The following PXMP4 variants were observed in gnomAD, a reference collection of about 807,000 sequenced individuals.
The protein encoded by PXMP4 is 24 kDa peroxisomal intrinsic membrane protein.
PXMP4 carries 16 observed loss-of-function variants against 21.6 expected under a neutral mutation model. That is an observed-to-expected ratio of 0.74 (90% CI 0.50 to 1.13). The LOEUF is 1.13. Among genes scored for constraint, PXMP4 ranks in the 50% most tolerant of loss-of-function variants. The pLI is 0.00. For synonymous variants in PXMP4, 127 were observed against 123.8 expected (o/e 1.03, Z -0.17); for missense variants, 240 against 277.7 (o/e 0.86, Z 0.96).
intron 2 of PXMP4, among the ~76,000 whole-genome samples, chr20:33,712,729 C>A (rs2018343469): frequency 6.6e-6 from 1 of 151,974 alleles, no homozygotes; most frequent in Admixed American, 6.6e-5. Context: ...CTCTCAGGTT[C>A]AAGCAATTCT....
chr20:33,716,294 T>C (rs556629677), intron 1 of PXMP4, among the ~76,000 whole-genome samples: 41 of 152,220 alleles, frequency 2.7e-4, no homozygotes, highest in Non-Finnish European at 5.4e-4. Context: ...TCACTGCTCC[T>C]ACCTCACCCC....
rs6087512 is a variant in PXMP4 at position 33,714,107 on chromosome 20, C to T, written c.176+567G>A. On this transcript the variant is annotated intron_variant, in intron 2 of 3. Coordinates refer to ENST00000409299, the MANE Select transcript of PXMP4 (RefSeq NM_007238.5). ...ATGGAATGGCAGCGAGTTCTGTGTGCCAAGGGCACGCCAGGGTGGACACAA... is the reference window on the plus strand; with the variant it reads ...ATGGAATGGCAGCGAGTTCTGTGTGTCAAGGGCACGCCAGGGTGGACACAA... Among the ~76,000 whole-genome samples, 568 of 152,322 alleles carry T rather than the reference C, an allele frequency of 3.7e-3. 4 individuals carry two copies. Among genetic ancestry groups the T allele is most frequent in the Non-Finnish European group, 5.0e-3 (343 of 68,032 alleles).
At chr20:33,708,952 G>A (rs1223935687) in intron 3 of PXMP4, among the ~76,000 whole-genome samples, 1 of 152,172 alleles carries the variant, frequency 6.6e-6, no homozygotes, top group Non-Finnish European at 1.5e-5. Context: ...AGAAATTTGA[G>A]GGAGGCAAGT....
intron 1 of PXMP4, among the ~76,000 whole-genome samples, chr20:33,719,853 G>A (rs1043781733): frequency 6.6e-6 from 1 of 152,224 alleles, no homozygotes; most frequent in African/African-American, 2.4e-5. Flanking sequence ...GTCAAAGCAA[G>A]AGGGCCAGGC....
intron 1 of PXMP4, among the ~76,000 whole-genome samples, 159 bp from the exon 2 acceptor site, chr20:33,714,895 C>G (rs2018368198): frequency 6.6e-6 from 1 of 152,162 alleles, no homozygotes; most frequent in African/African-American, 2.4e-5. Flanking sequence ...CTGATACTTC[C>G]TGGTAGTATG....
intron 1 of PXMP4, among the ~76,000 whole-genome samples, chr20:33,717,477 A>C (rs1335463478): frequency 6.7e-6 from 1 of 150,054 alleles, no homozygotes; most frequent in Non-Finnish European, 1.5e-5. Flanking sequence ...CGTCTCTACT[A>C]AAAATACAAA....
intron 1 of PXMP4, among the ~76,000 whole-genome samples, chr20:33,719,883 A>C (rs2018428287): frequency 6.6e-6 from 1 of 152,220 alleles, no homozygotes; most frequent in Admixed American, 6.5e-5. Context: ...TGGAAGACCC[A>C]GAAAATGTGC....
At chr20:33,709,004 A>T (rs2018293755) in intron 3 of PXMP4, among the ~76,000 whole-genome samples, 1 of 152,220 alleles carries the variant, frequency 6.6e-6, no homozygotes, top group East Asian at 1.9e-4. Flanking sequence ...AAGAACATTA[A>T]AAAACAACTA....
rs146204648 is a variant in PXMP4 at position 33,705,752 on chromosome 20, G to A, written c.*1954C>T. The A allele has an allele frequency of 1.4e-4, 22 of 152,170 alleles. No homozygotes were observed. Among genetic ancestry groups the A allele is most frequent in the African/African-American group, 4.8e-4 (20 of 41,524 alleles). 9.4% of individuals were successfully genotyped at this position (152,170 alleles called of 1,614,324 possible). On this transcript the variant is annotated 3_prime_UTR_variant, in exon 4 of 4. Coordinates refer to ENST00000409299, the MANE Select transcript of PXMP4 (RefSeq NM_007238.5). ...CCCTTTCTGGCCCATATCCTATAAT[G>A]AGCTAACATTTGCATAGCATGGCTT...
At chr20:33,717,281 TG>T (rs1234274916) in intron 1 of PXMP4, among the ~76,000 whole-genome samples, 8 of 152,222 alleles carry the variant, frequency 5.3e-5, no homozygotes, top group Non-Finnish European at 1.0e-4. Flanking sequence ...AATTTATTTT[TG>T]CTTGCTTTTT....
rs752670735 is a variant in PXMP4, at chr20:33,707,898, A to C, written c.447T>G (p.Pro149=). ...GCGGGAACGGGTCCCACCTGGGTTC[A>C]GGGATGTAGCCCTTCTCTACAGCCA... ...SRLAVEKGYI[P]EPRWDPFPLL... is the part of the protein sequence containing the mutation. Residue 149 remains proline, a synonymous_variant, in exon 4 of 4, where the codon CCT becomes CCG. Transcript: ENST00000409299. The C allele has an allele frequency of 1.2e-6, 2 of 1,614,154 alleles. No homozygotes were observed. The highest frequency in any genetic ancestry group is 1.7e-5 in the Admixed American group (1 of 59,988).
Position 33,707,593 on chromosome 20 carries a change from C to G in PXMP4, c.*113G>C. The G allele has an allele frequency of 7.0e-7, 1 of 1,425,072 alleles. No homozygotes were observed. The highest frequency in any genetic ancestry group is 9.5e-7 in the Non-Finnish European group (1 of 1,051,710). 88.3% of individuals were successfully genotyped at this position (1,425,072 alleles called of 1,614,324 possible). A position where few individuals can be genotyped will look rare whatever the true frequency, so the allele number is the denominator to read the frequency against. ...TGTTTTTACTTCAGCAAACGGAACC[C>G]TGGGATAACACCAGTTGGAGTCTGA... is the stretch of plus-strand genomic sequence containing the variant. On this transcript the variant is annotated 3_prime_UTR_variant, in exon 4 of 4. Coordinates refer to ENST00000409299, the MANE Select transcript of PXMP4 (RefSeq NM_007238.5).
rs2018235802 is a variant in PXMP4, at chr20:33,704,338, T to C, written c.*3368A>G. On this transcript the variant is annotated 3_prime_UTR_variant, in exon 4 of 4. Transcript: ENST00000409299. The stretch of plus-strand genomic sequence containing the variant: ...CTTGCATGCGCAGTTCACAATAGGG[T>C]TTGCATTCCTACGAGCATCTAATGC... 1 of 152,224 alleles carries C rather than the reference T, an allele frequency of 6.6e-6. No individual in the cohort carries two copies. The highest frequency in any genetic ancestry group is 1.5e-5 in the Non-Finnish European group (1 of 68,160). 9.4% of individuals were successfully genotyped at this position (152,224 alleles called of 1,614,324 possible). A position where few individuals can be genotyped will look rare whatever the true frequency, so the allele number is the denominator to read the frequency against.
chr20:33,704,906 GT>G lies in PXMP4; in HGVS notation c.*2799del, dbSNP rs902226911. ...TGATGGAGTAAGTATATTAATGAAAGTGTATCTACCAGACCAATGGTCTCAA... is the reference window on the plus strand; with the variant it reads ...TGATGGAGTAAGTATATTAATGAAAGGTATCTACCAGACCAATGGTCTCAA... On this transcript the variant is annotated 3_prime_UTR_variant, in exon 4 of 4. Transcript: ENST00000409299. The G allele has an allele frequency of 2.2e-4, 34 of 151,822 alleles. No homozygotes were observed. Among genetic ancestry groups the G allele is most frequent in the African/African-American group, 7.7e-4 (32 of 41,358 alleles). The allele number at this position is 151,822 out of a possible 1,614,324, so 9.4% of individuals were successfully genotyped here. A position where few individuals can be genotyped will look rare whatever the true frequency, so the allele number is the denominator to read the frequency against.
intron 1 of PXMP4, among the ~76,000 whole-genome samples, chr20:33,718,276 C>T (rs1382824140): frequency 6.6e-6 from 1 of 151,954 alleles, no homozygotes; most frequent in Non-Finnish European, 1.5e-5. Context: ...AATGGGAGGC[C>T]GAGACAGGCC....
intron 1 of PXMP4, among the ~76,000 whole-genome samples, chr20:33,716,847 C>G (rs1074683): frequency 0.24 from 37,086 of 152,080 alleles, 4,719 homozygotes; most frequent in Admixed American, 0.33. Flanking sequence ...AACACTGTAC[C>G]TATTCAAAAT....
In PXMP4 at chr20:33,720,262, G is replaced by A; in HGVS notation, c.-55C>T. 1 of 1,506,312 alleles carries A rather than the reference G, an allele frequency of 6.6e-7. No individual in the cohort carries two copies. Among genetic ancestry groups the A allele is most frequent in the Admixed American group, 1.9e-5 (1 of 52,414 alleles). 93.3% of individuals were successfully genotyped at this position (1,506,312 alleles called of 1,614,324 possible). On this transcript the variant is annotated 5_prime_UTR_variant, in exon 1 of 4. Coordinates refer to ENST00000409299, the MANE Select transcript of PXMP4 (RefSeq NM_007238.5). ...GGAACTGTAAGCGCACTGACAGCCGGAGGTTCCAGCTGCGCGCCCACAGCC... is the reference window on the plus strand; with the variant it reads ...GGAACTGTAAGCGCACTGACAGCCGAAGGTTCCAGCTGCGCGCCCACAGCC...
chr20:33,713,769 A>C (rs2018355869), intron 2 of PXMP4, among the ~76,000 whole-genome samples: 1 of 152,252 alleles, frequency 6.6e-6, no homozygotes, highest in Admixed American at 6.5e-5. Flanking sequence ...ACATCTTGCA[A>C]GTTGGATTTG....
In PXMP4 at chr20:33,720,100, C is replaced by A; in HGVS notation, c.108G>T (p.Gly36=). Residue 36 remains glycine (G), a synonymous_variant, in exon 1 of 4, where the codon GGG becomes GGT. Coordinates refer to ENST00000409299, the MANE Select transcript of PXMP4 (RefSeq NM_007238.5). ...ALAVLKGFRN[G]AVYGAKIRAP... ...GGCCCGACGGCCCCACTCACACAGC[C>A]CCGTTCCGGAAGCCCTTAAGCACGG... 3 of 1,613,596 alleles carry A rather than the reference C, an allele frequency of 1.9e-6. No individual in the cohort carries two copies. In the South Asian group the frequency reaches 3.3e-5, roughly 18 times the overall value.
Sources: allele counts gnomAD v4.1 joint callset (sites outside exome capture counted in the v4.1 genomes callset), GRCh38; gene constraint gnomAD v4.1.1; transcripts MANE v1.5; gene names NCBI Gene and HGNC (gene_info 2026-07-23, HGNC 2026-07-21).